Variants in SYNE1 observed in about 807,000 individuals in gnomAD.
The protein encoded by SYNE1 is spectrin repeat containing nuclear envelope protein 1, also known as nesprin-1.
A neutral mutation model predicts 1,111.0 loss-of-function variants in SYNE1; 616 were observed. The ratio of observed to expected loss-of-function variants is 0.55; its 90% CI spans 0.52 to 0.59. SYNE1 has a LOEUF of 0.59. SYNE1 is among the 20% of genes least tolerant of loss of function. The pLI is 0.00. For missense variants in SYNE1, 10,006 were observed against 10,417.0 expected (o/e 0.96, Z 1.72); for synonymous variants, 3,855 against 3,825.8 (o/e 1.01, Z -0.28).
intron 4 of SYNE1, among the ~76,000 whole-genome samples, chr6:152,538,746 C>T (rs563354260): frequency 6.6e-6 from 1 of 152,122 alleles, no homozygotes; most frequent in East Asian, 1.9e-4. Flanking sequence ...TCCTATGTAT[C>T]CACTGCCTTT....
rs1340140272 is a variant in SYNE1 at position 152,450,833 on chromosome 6, C to T, written c.3187G>A (p.Val1063Ile). ...GSEKIIKEHR[V>I]FFSDKGPHHL... Reference sequence around the variant, plus strand: ...TGAGGACCTTTGTCACTGAAGAAAACCTAATGTGTAATAAATGTTTTTATA... The same window carrying T: ...TGAGGACCTTTGTCACTGAAGAAAATCTAATGTGTAATAAATGTTTTTATA... Residue 1063 changes from valine to isoleucine, a missense_variant and splice_region_variant, in exon 27 of 146, where the codon GTT (valine) becomes ATT (isoleucine). By Grantham distance (29) the Val-to-Ile change is conservative. Around this residue, in one of 7 missense-constraint regions of SYNE1, gnomAD observed 1,971 missense variants for 2,084.1 expected, o/e 0.95. Coordinates refer to ENST00000367255, the MANE Select transcript of SYNE1 (RefSeq NM_182961.4). The T allele has an allele frequency of 2.5e-6, 4 of 1,613,812 alleles. No individual in the cohort carries two copies. In the South Asian group the frequency reaches 4.4e-5, roughly 18 times the overall value.
At chr6:152,562,159 A>G (rs1328302025) in intron 3 of SYNE1, among the ~76,000 whole-genome samples, 1 of 152,154 alleles carries the variant, frequency 6.6e-6, no homozygotes, top group African/African-American at 2.4e-5. Context: ...AAACCACACA[A>G]TTGATAAGGG....
At chr6:152,367,480 C>T (rs1346023756) in intron 61 of SYNE1, 98 bp from the exon 62 acceptor site, 32 of 1,385,818 alleles carry the variant, frequency 2.3e-5, no homozygotes, top group Non-Finnish European at 3.1e-5. Flanking sequence ...GTCATGGCTT[C>T]ATACGCTGCA....
intron 128 of SYNE1, among the ~76,000 whole-genome samples, chr6:152,186,533 G>A (rs1248396427): frequency 8.5e-6 from 1 of 117,708 alleles, no homozygotes; most frequent in African/African-American, 3.4e-5. Context: ...TCCAGCCTGG[G>A]CAACAAGAGA....
At chr6:152,449,291 C>A (rs778746455) in intron 28 of SYNE1, among the ~76,000 whole-genome samples, 14 of 152,170 alleles carry the variant, frequency 9.2e-5, no homozygotes, top group Non-Finnish European at 1.8e-4. Flanking sequence ...ACTCAGGACT[C>A]CCCATTAGTT....
intron 33 of SYNE1, chr6:152,434,360 A>G (rs1338197419): frequency 5.2e-6 from 1 of 191,560 alleles, no homozygotes; most frequent in African/African-American, 2.4e-5. Context: ...CTTACACTTA[A>G]AGGAGAGACA....
intron 96 of SYNE1, 107 bp downstream of exon 96, chr6:152,283,871 A>G: frequency 1.0e-6 from 1 of 965,510 alleles, no homozygotes; most frequent in Non-Finnish European, 1.6e-6. Context: ...CCAGCTTAGG[A>G]GAGGGAAGCA....
chr6:152,455,680 C>T (rs1456384394), intron 23 of SYNE1, 90 bp from the exon 24 acceptor site: 3 of 1,559,618 alleles, frequency 1.9e-6, no homozygotes, highest in South Asian at 2.2e-5. Context: ...TTAAAAAGCA[C>T]TTGGAAAAAA....
At chr6:152,319,142 A>C (rs969965809) in intron 84 of SYNE1, 127 bp from the exon 85 acceptor site, 2 of 1,326,976 alleles carry the variant, frequency 1.5e-6, no homozygotes, top group Admixed American at 4.1e-5. Context: ...TGGTCACACC[A>C]GCGATGTGCG....
intron 92 of SYNE1, 142 bp downstream of exon 92, chr6:152,301,727 A>G: frequency 1.1e-6 from 1 of 898,638 alleles, no homozygotes; most frequent in Non-Finnish European, 1.6e-6. Context: ...CGGTAGTCAA[A>G]GAGACTTAAG....
chr6:152,131,343 A>AC (rs1422878579), intron 144 of SYNE1, among the ~76,000 whole-genome samples: 1 of 151,960 alleles, frequency 6.6e-6, no homozygotes, highest in Non-Finnish European at 1.5e-5. Context: ...AAAAAAAAAA[A>AC]AATCCTAAAA....
At chr6:152,572,451 G>A (rs2099467055) in intron 3 of SYNE1, among the ~76,000 whole-genome samples, 1 of 152,124 alleles carries the variant, frequency 6.6e-6, no homozygotes, top group South Asian at 2.1e-4. Context: ...GGGAGAAATT[G>A]TTTGGATTGG....
chr6:152,443,892 A>G (rs1387161101), intron 30 of SYNE1, among the ~76,000 whole-genome samples: 6 of 152,240 alleles, frequency 3.9e-5, no homozygotes, highest in Non-Finnish European at 8.8e-5. Flanking sequence ...ATCAGTATAT[A>G]TACCAGAATT....
intron 52 of SYNE1, 140 bp from the exon 53 acceptor site, chr6:152,390,592 T>A (rs1326690708): frequency 6.3e-6 from 5 of 792,272 alleles, no homozygotes; most frequent in Non-Finnish European, 1.0e-5. Context: ...TGGGCCCTAT[T>A]GCAATATAAT....
At chr6:152,131,380 CA>C (rs2055598491) in intron 144 of SYNE1, among the ~76,000 whole-genome samples, 1 of 146,876 alleles carries the variant, frequency 6.8e-6, no homozygotes, top group Non-Finnish European at 1.5e-5. Context: ...CAGCATAGAA[CA>C]TAAATGTTTA....
intron 18 of SYNE1, among the ~76,000 whole-genome samples, chr6:152,464,373 T>C (rs1159620832): frequency 1.3e-5 from 2 of 152,198 alleles, no homozygotes; most frequent in Non-Finnish European, 2.9e-5. Context: ...TTTCTGGTGG[T>C]TATATTTCTT....
intron 51 of SYNE1, among the ~76,000 whole-genome samples, chr6:152,394,501 C>T (rs2097700223): frequency 1.3e-5 from 2 of 151,968 alleles, no homozygotes; most frequent in Non-Finnish European, 2.9e-5. Flanking sequence ...ATGAAAATGC[C>T]AGGGGTGGAG....
At position 152,205,243 on chromosome 6, in the gene SYNE1, T is replaced by C. The variant is rs148642603; in HGVS notation, c.23019+925A>G. Among the ~76,000 whole-genome samples the C allele has an allele frequency of 7.7e-3, 1,168 of 152,292 alleles. 6 individuals are homozygous for C. The highest frequency in any genetic ancestry group is 0.013 in the East Asian group (67 of 5,162). ...AATTTAATAGATACCCTCACTGAAGTGTTGGTGATTATCAACATATACAGG... is the reference window on the plus strand; with the variant it reads ...AATTTAATAGATACCCTCACTGAAGCGTTGGTGATTATCAACATATACAGG... On this transcript the variant is annotated intron_variant, in intron 126 of 145. Coordinates refer to ENST00000367255, the MANE Select transcript of SYNE1 (RefSeq NM_182961.4).
At chr6:152,566,965 C>T (rs2099415488) in intron 3 of SYNE1, among the ~76,000 whole-genome samples, 1 of 150,168 alleles carries the variant, frequency 6.7e-6, no homozygotes, top group Non-Finnish European at 1.5e-5. Context: ...AGAAAACTAA[C>T]ATATTCATCT....
Sources: gnomAD v4.1 joint callset for allele counts (sites outside exome capture counted in the v4.1 genomes callset) on GRCh38, gnomAD v4.1.1 for gene constraint, gnomAD v4.1.1 regional missense constraint, MANE v1.5 for transcripts, NCBI Gene and HGNC (gene_info 2026-07-23, HGNC 2026-07-21) for gene names.